Variants in ARHGAP24 observed in about 807,000 individuals in gnomAD.
ARHGAP24 encodes rho GTPase-activating protein 24.
ARHGAP24 carries 50 observed loss-of-function variants against 76.4 expected under a neutral mutation model. The observed-to-expected ratio is 0.65, with a 90% CI of 0.52 to 0.83. ARHGAP24 has a LOEUF of 0.83. Among genes scored for constraint, ARHGAP24 ranks in the 40% least tolerant of loss-of-function variants. The probability of loss-of-function intolerance (pLI) is 0.00; values close to 1 mark genes in which losing one functional copy is unlikely to be tolerated. For synonymous variants in ARHGAP24, 345 were observed against 323.3 expected (o/e 1.07, Z -0.72); for missense variants, 930 against 914.2 (o/e 1.02, Z -0.22).
chr4:85,531,773 A>T (rs1317102694), intron 1 of ARHGAP24, among the ~76,000 whole-genome samples: 2 of 152,120 alleles, frequency 1.3e-5, no homozygotes, highest in Non-Finnish European at 1.5e-5. Context: ...CTAAGTGAGC[A>T]AGTGTACAAG....
chr4:85,895,891 C>T (rs1018342383), intron 3 of ARHGAP24, among the ~76,000 whole-genome samples: 1 of 152,136 alleles, frequency 6.6e-6, no homozygotes, highest in Admixed American at 6.5e-5. Flanking sequence ...GATCTCAAAA[C>T]CTGTCTGAAA....
chr4:85,491,852 T>C (rs559132326), intron 1 of ARHGAP24, among the ~76,000 whole-genome samples: 1 of 152,168 alleles, frequency 6.6e-6, no homozygotes, highest in Non-Finnish European at 1.5e-5. Flanking sequence ...TCTAATGAAT[T>C]TGAAACTATA....
At chr4:85,894,089 T>G (rs1285590563) in intron 3 of ARHGAP24, among the ~76,000 whole-genome samples, 1 of 63,980 alleles carries the variant, frequency 1.6e-5, no homozygotes, top group Non-Finnish European at 3.0e-5. Context: ...CCCTAAAACT[T>G]AGAGTATAAT....
rs111818228 is a variant in ARHGAP24, at chr4:85,930,164, C to T, written c.391+6394C>T. On this transcript the variant is annotated intron_variant, in intron 4 of 9. Coordinates refer to ENST00000395184, the MANE Select transcript of ARHGAP24 (RefSeq NM_001025616.3). ...CAGTTCTCATTGAGAAAAGGGGAGA[C>T]GGAGCAGGAGGAGGGGGAGGAGATG... 1,593 of 823,464 alleles carry T rather than the reference C, an allele frequency of 1.9e-3. 15 individuals are homozygous for T. The African/African-American group carries it at 0.023, about 12-fold the overall frequency. 51.0% of individuals were successfully genotyped at this position (823,464 alleles called of 1,614,324 possible).
At chr4:85,642,545 A>G (rs12506009) in intron 2 of ARHGAP24, among the ~76,000 whole-genome samples, 45,443 of 150,884 alleles carry the variant, frequency 0.3, 8,157 homozygotes, top group East Asian at 0.84. Flanking sequence ...TTCAGACCAA[A>G]AACTTGAGAG....
chr4:85,958,336 T>C (rs1214258105), intron 5 of ARHGAP24, among the ~76,000 whole-genome samples: 1 of 152,196 alleles, frequency 6.6e-6, no homozygotes, highest in Non-Finnish European at 1.5e-5. Context: ...TGGCATGTTA[T>C]GGGGCACTTT....
chr4:85,614,213 C>T (rs529500348), intron 2 of ARHGAP24, among the ~76,000 whole-genome samples: 12 of 152,164 alleles, frequency 7.9e-5, no homozygotes, highest in Admixed American at 5.2e-4. Flanking sequence ...TCTTTATTCT[C>T]CTGAAATAGA....
chr4:85,700,393 C>T (rs1431077793), intron 2 of ARHGAP24, among the ~76,000 whole-genome samples: 5 of 69,846 alleles, frequency 7.2e-5, no homozygotes, highest in Non-Finnish European at 1.3e-4. Flanking sequence ...GAGATTCTGT[C>T]TAAAAAAAAA....
chr4:85,780,586 T>C (rs938566754), intron 3 of ARHGAP24, among the ~76,000 whole-genome samples: 2 of 152,154 alleles, frequency 1.3e-5, no homozygotes, highest in African/African-American at 4.8e-5. Context: ...ATATCTCTAA[T>C]AACTTCCTTC....
chr4:85,717,127 T>C (rs1177864348), intron 2 of ARHGAP24, among the ~76,000 whole-genome samples: 1 of 152,124 alleles, frequency 6.6e-6, no homozygotes, highest in Non-Finnish European at 1.5e-5. Flanking sequence ...CACATGGTTT[T>C]GGCTCAAGTG....
At chr4:85,789,153 T>C (rs1456893667) in intron 3 of ARHGAP24, among the ~76,000 whole-genome samples, 1 of 150,606 alleles carries the variant, frequency 6.6e-6, no homozygotes, top group Non-Finnish European at 1.5e-5. Flanking sequence ...GGAGAGGGGC[T>C]GAAGTCTGAG....
intron 4 of ARHGAP24, among the ~76,000 whole-genome samples, chr4:85,940,369 G>A (rs942003012): frequency 6.6e-6 from 1 of 151,888 alleles, no homozygotes; most frequent in Non-Finnish European, 1.5e-5. Flanking sequence ...ACAAGAGCCA[G>A]TATCATGCCC....
At position 85,604,650 on chromosome 4, in the gene ARHGAP24, G is replaced by T. The variant is rs543669104; in HGVS notation, c.180+33929G>T. Among the ~76,000 whole-genome samples the T allele has an allele frequency of 8.5e-5, 13 of 152,324 alleles. 1 individual carries two copies. The highest frequency in any genetic ancestry group is 6.5e-4 in the Admixed American group (10 of 15,300). ...CCCAGGCTGCAGTGCAGTGTGGCATGATCTCAGCTCACTGCAACCCCCACC... is the reference window on the plus strand; with the variant it reads ...CCCAGGCTGCAGTGCAGTGTGGCATTATCTCAGCTCACTGCAACCCCCACC... On this transcript the variant is annotated intron_variant, in intron 2 of 9. Transcript: ENST00000395184.
chr4:85,759,012 C>T (rs1213744530), intron 3 of ARHGAP24, among the ~76,000 whole-genome samples: 1 of 152,146 alleles, frequency 6.6e-6, no homozygotes, highest in East Asian at 1.9e-4. Context: ...AACTGTATAA[C>T]TCAGCTTACA....
At chr4:85,929,618 G>C (rs1416788891) in intron 4 of ARHGAP24, among the ~76,000 whole-genome samples, 1 of 152,224 alleles carries the variant, frequency 6.6e-6, no homozygotes, top group Non-Finnish European at 1.5e-5. Flanking sequence ...TGCAAACCAT[G>C]CCTAGAGAAA....
At chr4:85,728,316 C>T (rs529947557) in intron 3 of ARHGAP24, among the ~76,000 whole-genome samples, 27 of 150,188 alleles carry the variant, frequency 1.8e-4, no homozygotes, top group African/African-American at 6.6e-4. Context: ...AAAATGCAAT[C>T]ATTGACTGTA....
chr4:85,487,902 T>C (rs1432649705), intron 1 of ARHGAP24, among the ~76,000 whole-genome samples: 2 of 131,724 alleles, frequency 1.5e-5, no homozygotes, highest in African/African-American at 2.9e-5. Flanking sequence ...ATATATTTTA[T>C]ATATATATAT....
At chr4:85,631,386 T>A (rs1207042237) in intron 2 of ARHGAP24, among the ~76,000 whole-genome samples, 1 of 152,076 alleles carries the variant, frequency 6.6e-6, no homozygotes, top group East Asian at 1.9e-4. Flanking sequence ...TAATGTTAGG[T>A]TTCTTAATAT....
intron 3 of ARHGAP24, among the ~76,000 whole-genome samples, chr4:85,814,339 A>T (rs1444113421): frequency 6.6e-6 from 1 of 152,194 alleles, no homozygotes; most frequent in East Asian, 1.9e-4. Flanking sequence ...CCACAGTCCA[A>T]AGTCTCATCT....
Sources: gnomAD v4.1 joint callset for allele counts (sites outside exome capture counted in the v4.1 genomes callset) on GRCh38, gnomAD v4.1.1 for gene constraint, MANE v1.5 for transcripts, NCBI Gene and HGNC (gene_info 2026-07-23, HGNC 2026-07-21) for gene names.